DCUN1D3: variants seen among roughly 807,000 people sequenced by gnomAD.
DCUN1D3 encodes the protein DCN1-like protein 3.
Under a neutral mutation model 24.8 loss-of-function variants are expected in DCUN1D3, and 6 were observed. That is an observed-to-expected ratio of 0.24 (90% confidence interval 0.13 to 0.48). The LOEUF is 0.48. Ranked by LOEUF, DCUN1D3 falls within the 20% of genes least tolerant of loss-of-function variation. The pLI, the probability that DCUN1D3 is intolerant of heterozygous loss-of-function variation, is 0.99. For synonymous variants in DCUN1D3, 120 were observed against 144.9 expected (o/e 0.83, Z 1.24); for missense variants, 258 against 379.4 (o/e 0.68, Z 2.66).
chr16:20,877,103 C>T (rs759159088), intron 1 of DCUN1D3, among the ~76,000 whole-genome samples: 3 of 151,980 alleles, frequency 2.0e-5, no homozygotes, highest in Non-Finnish European at 2.9e-5. Flanking sequence ...TAAATGATCC[C>T]GGCATAAAGA....
Position 20,860,351 on chromosome 16 carries a change from G to A in DCUN1D3, c.450C>T (p.Gly150=), listed in dbSNP as rs1369296448. 1.9e-6 allele frequency: 3 copies of A among 1,610,388 alleles called. No individual in the cohort carries two copies. In the East Asian group the frequency reaches 6.7e-5, roughly 36 times the overall value. Residue 150 remains glycine, a synonymous_variant, in exon 3 of 3, where the codon GGC becomes GGT. Transcript: ENST00000324344. This position sits in a 1 kb window ranked among gnomAD's most constrained non-coding sequence, Gnocchi z 4.3. ...TGCTGTCTGCACTTATTGCTTTGCAGCCATCAAAAAACTCCTTCCTGCAAC... is the reference window on the plus strand; with the variant it reads ...TGCTGTCTGCACTTATTGCTTTGCAACCATCAAAAAACTCCTTCCTGCAAC... ...CKFTRKEFFD[G]CKAISADSID...
At chr16:20,865,339 G>A (rs1485214271) in intron 1 of DCUN1D3, among the ~76,000 whole-genome samples, 3 of 152,216 alleles carry the variant, frequency 2.0e-5, no homozygotes, top group Middle Eastern at 3.4e-3. Context: ...TAACAAACTC[G>A]TCATGGTGGT....
At position 20,868,164 on chromosome 16, in the gene DCUN1D3, A is replaced by G. The variant is rs1394856649; in HGVS notation, c.-105-5521T>C. ...GCCTTCCCAGTTGGTCCTCCTCCCC[A>G]TCACTGCCACCTCTGAAGTGGACAG... On this transcript the variant is annotated intron_variant, in intron 1 of 2. Transcript: ENST00000324344. Among the ~76,000 whole-genome samples the G allele has an allele frequency of 3.9e-5, 6 of 152,314 alleles. No homozygotes were observed. In the East Asian group the frequency reaches 1.2e-3, roughly 29 times the overall value.
intron 1 of DCUN1D3, among the ~76,000 whole-genome samples, chr16:20,868,691 C>T (rs2081774250): frequency 6.6e-6 from 1 of 152,188 alleles, no homozygotes; most frequent in Non-Finnish European, 1.5e-5. Flanking sequence ...CAGCCCAGAT[C>T]TCCCATAGCG....
At position 20,880,666 on chromosome 16, in the gene DCUN1D3, G is replaced by T. The variant is rs1006969071; in HGVS notation, c.-105-18023C>A. ...AAAAAGAAAAGAAAATGGCTAACTGGCATCTAAGAGATACTTTCTAAAGAA... is the reference window on the plus strand; with the variant it reads ...AAAAAGAAAAGAAAATGGCTAACTGTCATCTAAGAGATACTTTCTAAAGAA... On this transcript the variant is annotated intron_variant, in intron 1 of 2. Coordinates refer to ENST00000324344, the MANE Select transcript of DCUN1D3 (RefSeq NM_173475.4). Among the ~76,000 whole-genome samples, 3 of 149,476 alleles carry T rather than the reference G, an allele frequency of 2.0e-5. No homozygotes were observed. The East Asian group carries it at 5.8e-4, about 29-fold the overall frequency.
At chr16:20,861,749 C>CAA (rs34792031) in intron 2 of DCUN1D3, among the ~76,000 whole-genome samples, 1,308 of 116,172 alleles carry the variant, frequency 0.011, 18 homozygotes, top group African/African-American at 0.037. Context: ...CGTTATTCTG[C>CAA]AAAAAAAAAA....
At chr16:20,880,637 A>AAC (rs2081839115) in intron 1 of DCUN1D3, among the ~76,000 whole-genome samples, 5 of 150,798 alleles carry the variant, frequency 3.3e-5, no homozygotes, top group African/African-American at 1.2e-4. Context: ...AAACAGAAAA[A>AAC]AGAAAAAAGA....
At position 20,862,733 on chromosome 16, in the gene DCUN1D3, A is replaced by G. The variant is rs1036882801; in HGVS notation, c.-105-90T>C. 12 of 1,251,966 alleles carry G rather than the reference A, an allele frequency of 9.6e-6. No homozygotes were observed. In the African/African-American group the frequency reaches 1.1e-4, roughly 11 times the overall value. 77.6% of individuals were successfully genotyped at this position (1,251,966 alleles called of 1,614,324 possible). On this transcript the variant is annotated intron_variant, in intron 1 of 2. Transcript: ENST00000324344. ...AGGGTGCACACTGGTTCACCGCTCTATTTCCATGAGCCAACAACGAACCAT... is the reference window on the plus strand; with the variant it reads ...AGGGTGCACACTGGTTCACCGCTCTGTTTCCATGAGCCAACAACGAACCAT...
At chr16:20,863,435 T>G (rs1195785788) in intron 1 of DCUN1D3, among the ~76,000 whole-genome samples, 2 of 152,168 alleles carry the variant, frequency 1.3e-5, no homozygotes, top group Non-Finnish European at 2.9e-5. Context: ...AAGAAGCATG[T>G]CTCCACTTTA....
intron 1 of DCUN1D3, among the ~76,000 whole-genome samples, chr16:20,867,513 A>G (rs1291944613): frequency 6.6e-6 from 1 of 152,226 alleles, no homozygotes; most frequent in East Asian, 1.9e-4. Context: ...AGCTCTGAAA[A>G]GGACGCCCAA....
intron 1 of DCUN1D3, among the ~76,000 whole-genome samples, chr16:20,871,366 A>C (rs1289673539): frequency 1.3e-5 from 2 of 152,228 alleles, no homozygotes; most frequent in African/African-American, 4.8e-5. Flanking sequence ...AGAGGGAGGA[A>C]GGAAGGGAGA....
chr16:20,874,404 G>C (rs1248491489), intron 1 of DCUN1D3, among the ~76,000 whole-genome samples: 2 of 152,170 alleles, frequency 1.3e-5, no homozygotes, highest in African/African-American at 4.8e-5. Flanking sequence ...CCTTCAAGTA[G>C]ATATGCCACA....
At chr16:20,899,732 A>G (rs2081953109) in intron 1 of DCUN1D3, 1 of 152,252 alleles carries the variant, frequency 6.6e-6, no homozygotes, top group Admixed American at 6.5e-5. Flanking sequence ...ACAGATGGTT[A>G]TCGTTTATAG....
At chr16:20,898,565 T>C (rs576845543) in intron 1 of DCUN1D3, among the ~76,000 whole-genome samples, 2 of 152,326 alleles carry the variant, frequency 1.3e-5, no homozygotes, top group South Asian at 4.1e-4. Flanking sequence ...CATTCTTCTG[T>C]TGTATTTTTG....
chr16:20,863,317 C>T (rs2081743238), intron 1 of DCUN1D3, among the ~76,000 whole-genome samples: 1 of 152,350 alleles, frequency 6.6e-6, no homozygotes, highest in Middle Eastern at 3.4e-3. Context: ...AGTTTCCCAA[C>T]TGAGGAGCTT....
rs534829003 is a variant in DCUN1D3 at position 20,858,187 on chromosome 16, A to G, written c.*1699T>C. The G allele has an allele frequency of 6.6e-6, 1 of 152,648 alleles. No individual in the cohort carries two copies. The highest frequency in any genetic ancestry group is 6.5e-5 in the Admixed American group (1 of 15,284). 9.5% of individuals were successfully genotyped at this position (152,648 alleles called of 1,614,324 possible). A position where few individuals can be genotyped will look rare whatever the true frequency, so the allele number is the denominator to read the frequency against. The stretch of plus-strand genomic sequence containing the variant: ...CCTTCCAGTACAGTTTTCTGAGGAC[A>G]TACTTTTTAAATGGAAAAATAACAG... On this transcript the variant is annotated 3_prime_UTR_variant, in exon 3 of 3. Transcript: ENST00000324344.
intron 1 of DCUN1D3, among the ~76,000 whole-genome samples, chr16:20,893,092 C>G (rs914035575): frequency 1.3e-5 from 2 of 152,072 alleles, no homozygotes; most frequent in Non-Finnish European, 2.9e-5. Context: ...ACAGACAGAA[C>G]AAGAATTAGT....
At chr16:20,865,418 C>T (rs1282305690) in intron 1 of DCUN1D3, among the ~76,000 whole-genome samples, 3 of 152,098 alleles carry the variant, frequency 2.0e-5, no homozygotes, top group African/African-American at 7.2e-5. Flanking sequence ...GAGCCAGAAG[C>T]GAGGTGATTT....
chr16:20,882,248 T>C (rs1223463774), intron 1 of DCUN1D3, among the ~76,000 whole-genome samples: 2 of 137,200 alleles, frequency 1.5e-5, no homozygotes, highest in Non-Finnish European at 3.1e-5. Context: ...TTTATAACAT[T>C]GCTATTTTTT....
Sources: gnomAD v4.1 joint callset for allele counts (sites outside exome capture counted in the v4.1 genomes callset) on GRCh38, gnomAD v4.1.1 for gene constraint, Gnocchi (gnomAD v3.1) non-coding constraint, MANE v1.5 for transcripts, NCBI Gene and HGNC (gene_info 2026-07-23, HGNC 2026-07-21) for gene names.